TNR: variants seen among roughly 807,000 people sequenced by gnomAD.
The protein encoded by TNR is tenascin-R.
TNR carries 45 observed loss-of-function variants against 150.4 expected under a neutral mutation model. The ratio of observed to expected loss-of-function variants is 0.30; its 90% CI spans 0.24 to 0.38. The LOEUF is 0.38. Among genes scored for constraint, TNR ranks in the 10% least tolerant of loss-of-function variants. The pLI, the probability that TNR is intolerant of heterozygous loss-of-function variation, is 1.00. For missense variants in TNR, 1,544 were observed against 1,759.1 expected, an observed-to-expected ratio of 0.88 and a Z score of 2.19; for synonymous variants, 687 against 678.4, an observed-to-expected ratio of 1.01 and a Z score of -0.20.
At chr1:175,674,285 C>T (rs1205736715) in intron 1 of TNR, among the ~76,000 whole-genome samples, 2 of 152,118 alleles carry the variant, frequency 1.3e-5, no homozygotes, top group Non-Finnish European at 2.9e-5. Context: ...TTTCTTTTTA[C>T]CATGAGATAG....
intron 1 of TNR, among the ~76,000 whole-genome samples, chr1:175,726,111 TATG>T (rs1667470446): frequency 6.6e-6 from 1 of 152,154 alleles, no homozygotes; most frequent in Non-Finnish European, 1.5e-5. Flanking sequence ...TGATAGTAAA[TATG>T]ATAACAGAAA....
intron 1 of TNR, among the ~76,000 whole-genome samples, chr1:175,601,335 T>G (rs1275638897): frequency 6.6e-6 from 1 of 152,246 alleles, no homozygotes; most frequent in East Asian, 1.9e-4. Flanking sequence ...CCATGGCCAC[T>G]ATTACACAAA....
chr1:175,628,558 C>G (rs529715858), intron 1 of TNR, among the ~76,000 whole-genome samples: 2 of 150,804 alleles, frequency 1.3e-5, no homozygotes, highest in South Asian at 4.2e-4. Context: ...TTTTTTTGCG[C>G]CATTGTTAAT....
intron 9 of TNR, among the ~76,000 whole-genome samples, chr1:175,376,879 T>TATATACAC (rs36055169): frequency 0.057 from 8,288 of 146,472 alleles, 311 homozygotes; most frequent in Middle Eastern, 0.08. Flanking sequence ...TATATATATA[T>TATATACAC]ACACATATAT....
intron 2 of TNR, among the ~76,000 whole-genome samples, chr1:175,476,098 A>G (rs1657535704): frequency 6.6e-6 from 1 of 152,150 alleles, no homozygotes; most frequent in Non-Finnish European, 1.5e-5. Context: ...CAACACACCT[A>G]TGCCTGGTAA....
chr1:175,329,691 A>T (rs889843115), intron 21 of TNR, among the ~76,000 whole-genome samples: 2 of 152,224 alleles, frequency 1.3e-5, no homozygotes, highest in Non-Finnish European at 2.9e-5. Context: ...TTCTGCTCTC[A>T]CTGCATAAGA....
At chr1:175,614,088 A>T (rs1177851875) in intron 1 of TNR, among the ~76,000 whole-genome samples, 1 of 152,232 alleles carries the variant, frequency 6.6e-6, no homozygotes, top group Non-Finnish European at 1.5e-5. Context: ...ATTAGAGATG[A>T]TGTACATAGT....
intron 1 of TNR, among the ~76,000 whole-genome samples, chr1:175,540,784 G>A (rs1287335423): frequency 6.6e-6 from 1 of 151,918 alleles, no homozygotes; most frequent in Admixed American, 6.5e-5. Context: ...TCTCCTCACT[G>A]GGTTTCCTAC....
chr1:175,695,031 C>T (rs1366778076), intron 1 of TNR, among the ~76,000 whole-genome samples: 4 of 152,314 alleles, frequency 2.6e-5, no homozygotes, highest in Non-Finnish European at 5.9e-5. Context: ...AATTTTTTGA[C>T]ACTCCCCCTT....
At chr1:175,663,895 C>T (rs1665455154) in intron 1 of TNR, among the ~76,000 whole-genome samples, 1 of 152,218 alleles carries the variant, frequency 6.6e-6, no homozygotes, top group South Asian at 2.1e-4. Flanking sequence ...TCCATGTGAA[C>T]TCAGAGGAGA....
chr1:175,438,930 A>C (rs1448469738), intron 2 of TNR, among the ~76,000 whole-genome samples: 1 of 151,968 alleles, frequency 6.6e-6, no homozygotes, highest in East Asian at 1.9e-4. Flanking sequence ...AATCAATATC[A>C]TGAAAATGGC....
intron 2 of TNR, among the ~76,000 whole-genome samples, chr1:175,516,775 T>G (rs564420231): frequency 6.6e-6 from 1 of 152,204 alleles, no homozygotes; most frequent in East Asian, 1.9e-4. Flanking sequence ...TTAATAAATA[T>G]TCTATTATTT....
chr1:175,565,548 T>C (rs1661607487), intron 1 of TNR, among the ~76,000 whole-genome samples: 1 of 152,218 alleles, frequency 6.6e-6, no homozygotes, highest in South Asian at 2.1e-4. Context: ...CAGGATCCCC[T>C]GAGTGAGGGT....
At chr1:175,384,347 G>T (rs764559583) in intron 8 of TNR, among the ~76,000 whole-genome samples, 3 of 152,152 alleles carry the variant, frequency 2.0e-5, no homozygotes, top group African/African-American at 7.2e-5. Flanking sequence ...AAGAGAAATG[G>T]GCAGAATTTA....
chr1:175,542,376 G>A (rs1660538269), intron 1 of TNR, among the ~76,000 whole-genome samples: 1 of 152,266 alleles, frequency 6.6e-6, no homozygotes, highest in Non-Finnish European at 1.5e-5. Context: ...GGTTCCTGTG[G>A]CCAGTCCCCA....
chr1:175,365,240 G>T lies in TNR; in HGVS notation c.2357C>A (p.Thr786Asn). The T allele has an allele frequency of 1.9e-6, 3 of 1,613,550 alleles. No individual in the cohort carries two copies. Among genetic ancestry groups the T allele is most frequent in the Non-Finnish European group, 1.7e-6 (2 of 1,179,640 alleles). Residue 786 changes from threonine (T) to asparagine (N), a missense_variant, in exon 12 of 23, where the codon ACC (threonine) becomes AAC (asparagine). By Grantham distance (65) the Thr-to-Asn change is moderately conservative. Transcript: ENST00000367674. ...PISHLHFSHV[T>N]SSSVNITWSD... ...CCAAGTGATGTTCACACTGGAGGAG[G>T]TCACATGAGAAAAGTGCAGATGAGA...
In TNR at chr1:175,679,659, G is replaced by C. The variant is rs1271523486; in HGVS notation, c.-165+63567C>G. Among the ~76,000 whole-genome samples, 4 of 152,294 alleles carry C rather than the reference G, an allele frequency of 2.6e-5. No individual in the cohort carries two copies. The East Asian group carries it at 7.7e-4, about 29-fold the overall frequency. On this transcript the variant is annotated intron_variant, in intron 1 of 22. Coordinates refer to ENST00000367674, the MANE Select transcript of TNR (RefSeq NM_003285.3). ...TCAAAGATTTCTTGGAAGAGGCCAG[G>C]CTTGAGCAGGTGTGAGGGATGGGCC...
intron 1 of TNR, among the ~76,000 whole-genome samples, chr1:175,573,846 A>G (rs971476277): frequency 6.6e-6 from 1 of 152,224 alleles, no homozygotes; most frequent in Admixed American, 6.5e-5. Flanking sequence ...ATGCTACTGG[A>G]TGAGCTCTGC....
chr1:175,644,724 T>C (rs191933445), intron 1 of TNR, among the ~76,000 whole-genome samples: 1 of 152,366 alleles, frequency 6.6e-6, no homozygotes, highest in African/African-American at 2.4e-5. Context: ...AAATACTCGA[T>C]GCATGTTTGC....
Sources: gnomAD v4.1 joint callset for allele counts (sites outside exome capture counted in the v4.1 genomes callset) on GRCh38, gnomAD v4.1.1 for gene constraint, MANE v1.5 for transcripts, NCBI Gene and HGNC (gene_info 2026-07-23, HGNC 2026-07-21) for gene names.